The following HBEGF variants were observed in gnomAD, a reference collection of about 807,000 sequenced individuals.
The protein encoded by HBEGF is heparin binding EGF like growth factor.
HBEGF carries 8 observed loss-of-function variants against 19.5 expected under a neutral mutation model. The observed-to-expected ratio is 0.41, with a 90% CI of 0.24 to 0.74. The LOEUF (loss-of-function observed/expected upper bound fraction) is 0.74. Ranked by LOEUF, HBEGF falls within the 30% of genes least tolerant of loss-of-function variation. The pLI is 0.32. For synonymous variants in HBEGF, 97 were observed against 108.9 expected, an observed-to-expected ratio of 0.89 and a Z score of 0.68; for missense variants, 207 against 256.9, an observed-to-expected ratio of 0.81 and a Z score of 1.33.
At chr5:140,334,625 A>G (rs566522792) in intron 5 of HBEGF, 33 bp downstream of exon 5, 1 of 1,414,706 alleles carries the variant, frequency 7.1e-7, no homozygotes, top group South Asian at 1.1e-5. Context: ...GACAAAGGAT[A>G]ATCATGTCAT....
At chr5:140,338,751 G>C (rs1766264693) in intron 3 of HBEGF, among the ~76,000 whole-genome samples, 1 of 152,120 alleles carries the variant, frequency 6.6e-6, no homozygotes, top group Non-Finnish European at 1.5e-5. Context: ...TCCAGAGCCA[G>C]CCACCCACCA....
rs757643677 is a variant in HBEGF at position 140,342,793 on chromosome 5, T to C, written c.240A>G (p.Pro80=). 1.2e-6 allele frequency: 2 copies of C among 1,614,198 alleles called. No individual in the cohort carries two copies. The highest frequency in any genetic ancestry group is 1.1e-5 in the South Asian group (1 of 91,086). Residue 80 remains proline (P), a synonymous_variant, in exon 3 of 6, where the codon CCA becomes CCG. Coordinates refer to ENST00000230990, the MANE Select transcript of HBEGF (RefSeq NM_001945.3). The part of the protein sequence containing the change: ...DLLRVTLSSK[P]QALATPNKEE... ...CCTTGTTTGGTGTGGCCAGTGCTTG[T>C]GGCTTGGAGGATAAAGTGACTGTAG...
intron 3 of HBEGF, among the ~76,000 whole-genome samples, chr5:140,341,043 T>C (rs567377944): frequency 5.1e-4 from 78 of 152,282 alleles, no homozygotes; most frequent in Middle Eastern, 3.4e-3. Context: ...TGCCACCAAA[T>C]AGGGGCTCAA....
intron 3 of HBEGF, among the ~76,000 whole-genome samples, chr5:140,342,171 C>T (rs1766323223): frequency 6.6e-6 from 1 of 152,292 alleles, no homozygotes; most frequent in Non-Finnish European, 1.5e-5. Context: ...ACAGTCAATC[C>T]ACATTTGCAC....
intron 4 of HBEGF, chr5:140,334,960 CT>C: frequency 1.7e-6 from 1 of 598,756 alleles, no homozygotes; most frequent in Non-Finnish European, 3.0e-6. Flanking sequence ...TAGCTTTCAC[CT>C]CATTTACGTG....
At chr5:140,338,360 GC>G (rs1386368204) in intron 3 of HBEGF, among the ~76,000 whole-genome samples, 3 of 152,322 alleles carry the variant, frequency 2.0e-5, no homozygotes. Context: ...CTGAGGCTTA[GC>G]TTTTGTTAAA....
At chr5:140,345,550 T>C (rs1490286161) in intron 2 of HBEGF, among the ~76,000 whole-genome samples, 2 of 152,172 alleles carry the variant, frequency 1.3e-5, no homozygotes, top group Non-Finnish European at 2.9e-5. Flanking sequence ...TCATTTGATA[T>C]GGGAATTAGA....
chr5:140,345,799 G>C, intron 2 of HBEGF, 112 bp downstream of exon 2: 1 of 1,320,314 alleles, frequency 7.6e-7, no homozygotes, highest in Non-Finnish European at 1.1e-6. Context: ...TTTCCCCGAG[G>C]TTCTCCATGA....
chr5:140,341,734 C>T (rs1037955531), intron 3 of HBEGF, among the ~76,000 whole-genome samples: 2 of 152,192 alleles, frequency 1.3e-5, no homozygotes, highest in Non-Finnish European at 2.9e-5. Flanking sequence ...CCACTAAGGC[C>T]CCCAGAGCCT....
chr5:140,346,352 C>T lies in HBEGF; in HGVS notation c.-24G>A. 4 of 1,603,228 alleles carry T rather than the reference C, an allele frequency of 2.5e-6. No homozygotes were observed. The highest frequency in any genetic ancestry group is 1.7e-5 in the Admixed American group (1 of 58,990). On this transcript the variant is annotated 5_prime_UTR_variant, in exon 1 of 6. Transcript: ENST00000230990. The surrounding 1 kb of genome is among the most constrained non-coding windows in gnomAD (Gnocchi z 6.1). ...ATGGTCCCGCACCGAGAGGAGGCGG[C>T]GAGGCACCAGTCACTTTCGAAGCGG...
intron 3 of HBEGF, among the ~76,000 whole-genome samples, chr5:140,336,828 CTTTTT>C (rs1160533557): frequency 1.5e-5 from 2 of 129,800 alleles, no homozygotes; most frequent in South Asian, 2.4e-4. Context: ...TTTTCTTTTT[CTTTTT>C]TTTTTTTTTT....
chr5:140,339,321 AG>A (rs1766273543), intron 3 of HBEGF, among the ~76,000 whole-genome samples: 1 of 152,206 alleles, frequency 6.6e-6, no homozygotes, highest in African/African-American at 2.4e-5. Context: ...CTCCAGCCAC[AG>A]GAAACTCTGC....
chr5:140,334,828 C>G, intron 4 of HBEGF, 80 bp from the exon 5 acceptor site: 1 of 1,146,854 alleles, frequency 8.7e-7, no homozygotes, highest in South Asian at 1.2e-5. Context: ...CCAAAGAACT[C>G]TGCCATGGTG....
rs781281419 is a variant in HBEGF, at chr5:140,346,128, C to G, written c.47-44G>C. ...GCCGCATCAGACACCCGCCCAGACC[C>G]CTGACCAACACGCACCGATGCCGAC... On this transcript the variant is annotated intron_variant, in intron 1 of 5. Coordinates refer to ENST00000230990, the MANE Select transcript of HBEGF (RefSeq NM_001945.3). This position sits in a 1 kb window ranked among gnomAD's most constrained non-coding sequence, Gnocchi z 6.1. 2 of 1,593,224 alleles carry G rather than the reference C, an allele frequency of 1.3e-6. No individual in the cohort carries two copies. The highest frequency in any genetic ancestry group is 1.7e-6 in the Non-Finnish European group (2 of 1,170,036).
Position 140,346,554 on chromosome 5 carries a change from C to A in HBEGF, c.-226G>T. On this transcript the variant is annotated 5_prime_UTR_variant, in exon 1 of 6. It adds an upstream start codon to the 5' untranslated region. Transcript: ENST00000230990. This position sits in a 1 kb window ranked among gnomAD's most constrained non-coding sequence, Gnocchi z 6.1. ...CGCGCGGCCGCCCGACCCCGCGCGC[C>A]TAGGTCAGGCCAGCCAGCAGCGTGG... 1.7e-6 allele frequency: 1 copy of A among 592,546 alleles called. No homozygotes were observed. The highest frequency in any genetic ancestry group is 2.9e-5 in the East Asian group (1 of 34,900). 36.7% of individuals were successfully genotyped at this position (592,546 alleles called of 1,614,324 possible). A position where few individuals can be genotyped will look rare whatever the true frequency, so the allele number is the denominator to read the frequency against.
chr5:140,343,375 C>G (rs1446538110), intron 2 of HBEGF, among the ~76,000 whole-genome samples: 2 of 152,182 alleles, frequency 1.3e-5, no homozygotes, highest in Non-Finnish European at 2.9e-5. Flanking sequence ...ACTATGAGCC[C>G]AGGGCAGAGC....
Position 140,342,772 on chromosome 5 carries a change from G to A in HBEGF, c.261C>T (p.Asn87=), listed in dbSNP as rs1309021975. 6.2e-7 allele frequency: 1 copy of A among 1,614,072 alleles called. No homozygotes were observed. Among genetic ancestry groups the A allele is most frequent in the African/African-American group, 1.3e-5 (1 of 74,924 alleles). ...SSKPQALATP[N]KEEHGKRKKK... is the part of the protein sequence containing the mutation. The stretch of plus-strand genomic sequence containing the variant: ...TCTTTCTTTTCCCGTGCTCCTCCTT[G>A]TTTGGTGTGGCCAGTGCTTGTGGCT... The change falls in exon 3 of 6, where the codon AAC becomes AAT. Residue 87 remains asparagine (N), a synonymous_variant. Transcript: ENST00000230990.
chr5:140,344,919 G>A lies in HBEGF; in HGVS notation c.220+992C>T, dbSNP rs540833213. Among the ~76,000 whole-genome samples the A allele has an allele frequency of 1.1e-3, 174 of 152,262 alleles. 2 individuals carry two copies. The highest frequency in any genetic ancestry group is 3.9e-3 in the African/African-American group (163 of 41,540). On this transcript the variant is annotated intron_variant, in intron 2 of 5. Transcript: ENST00000230990. ...CCAGCCTAGGAGGAGAGGGCCAGGA[G>A]AATCCAGGCTGTTCAGGTCATGGGC... is the stretch of plus-strand genomic sequence containing the variant.
intron 3 of HBEGF, among the ~76,000 whole-genome samples, chr5:140,338,688 G>A (rs1766264070): frequency 6.6e-6 from 1 of 152,134 alleles, no homozygotes; most frequent in Admixed American, 6.5e-5. Context: ...GAGAAGGAGG[G>A]GGGATGAGTA....
Sources: allele counts gnomAD v4.1 joint callset (sites outside exome capture counted in the v4.1 genomes callset), GRCh38; gene constraint gnomAD v4.1.1; non-coding constraint Gnocchi (gnomAD v3.1); transcripts MANE v1.5; gene names NCBI Gene and HGNC (gene_info 2026-07-23, HGNC 2026-07-21).